Variants in UBE2J1 observed in about 807,000 individuals in gnomAD.
UBE2J1 encodes ubiquitin-conjugating enzyme E2 J1.
In UBE2J1, 17 loss-of-function variants were observed where a neutral mutation model predicts 42.1. That is an observed-to-expected ratio of 0.40 (90% confidence interval 0.28 to 0.61). The LOEUF is 0.61. Ranked by LOEUF, UBE2J1 falls within the 20% of genes least tolerant of loss-of-function variation. The probability of loss-of-function intolerance (pLI) is 0.38; values close to 1 mark genes in which losing one functional copy is unlikely to be tolerated. For missense variants in UBE2J1, 291 were observed against 389.4 expected, an observed-to-expected ratio of 0.75 and a Z score of 2.13; for synonymous variants, 127 against 137.2, an observed-to-expected ratio of 0.93 and a Z score of 0.52.
intron 5 of UBE2J1, among the ~76,000 whole-genome samples, chr6:89,336,841 CTT>C (rs1358179369): frequency 1.3e-5 from 2 of 150,856 alleles, no homozygotes; most frequent in South Asian, 4.2e-4. Context: ...ATGCAAAAAT[CTT>C]TGTTTTTTTT....
chr6:89,334,285 G>A (rs545284456), intron 6 of UBE2J1, among the ~76,000 whole-genome samples: 1 of 152,118 alleles, frequency 6.6e-6, no homozygotes, highest in East Asian at 1.9e-4. Context: ...TTACAGGCGT[G>A]AGCCACTGCG....
At chr6:89,334,704 G>A (rs1768077067) in intron 6 of UBE2J1, among the ~76,000 whole-genome samples, 1 of 151,962 alleles carries the variant, frequency 6.6e-6, no homozygotes, top group Admixed American at 6.6e-5. Flanking sequence ...CTGACTTCAG[G>A]TGATCCGCCC....
At chr6:89,334,980 A>AGGGG (rs1480566045) in intron 6 of UBE2J1, among the ~76,000 whole-genome samples, 2 of 152,178 alleles carry the variant, frequency 1.3e-5, no homozygotes, top group Non-Finnish European at 2.9e-5. Context: ...CTAATAAGCA[A>AGGGG]CAGAGCTGGG....
In UBE2J1 at chr6:89,327,939, G is replaced by A. The variant is rs143798378; in HGVS notation, c.*1740C>T. On this transcript the variant is annotated 3_prime_UTR_variant, in exon 8 of 8. Coordinates refer to ENST00000435041, the MANE Select transcript of UBE2J1 (RefSeq NM_016021.3). Reference sequence around the variant, plus strand: ...ATGTTTCAAATCAAGATTTTAGAGTGTATTTTCTTATGGCAATAGAGTTAT... The same window carrying A: ...ATGTTTCAAATCAAGATTTTAGAGTATATTTTCTTATGGCAATAGAGTTAT... The A allele has an allele frequency of 1.4e-4, 21 of 152,286 alleles. No individual in the cohort carries two copies. In the East Asian group the frequency reaches 4.1e-3, roughly 29 times the overall value. The allele number at this position is 152,286 out of a possible 1,614,324, so 9.4% of individuals were successfully genotyped here.
chr6:89,331,449 TACTTAA>T (rs900263440), intron 7 of UBE2J1, among the ~76,000 whole-genome samples: 4 of 152,236 alleles, frequency 2.6e-5, no homozygotes, highest in African/African-American at 9.6e-5. Context: ...CACTCTAATT[TACTTAA>T]ACTTCTTGAT....
intron 7 of UBE2J1, among the ~76,000 whole-genome samples, chr6:89,332,526 A>T (rs1756196288): frequency 6.6e-6 from 1 of 152,236 alleles, no homozygotes; most frequent in Admixed American, 6.5e-5. Context: ...TTATGTCTAC[A>T]CTGTCCAATA....
chr6:89,329,731 A>G lies in UBE2J1; in HGVS notation c.905T>C (p.Ile302Thr), dbSNP rs546702342. Residue 302 changes from isoleucine to threonine, a missense_variant, in exon 8 of 8, where the codon ATA becomes ACA. Coordinates refer to ENST00000435041, the MANE Select transcript of UBE2J1 (RefSeq NM_016021.3). ...GTTTGCCAGATATATTCGTCGGAATATAAGAGCTGCCAATGCCAAAGTCAG... is the reference window on the plus strand; with the variant it reads ...GTTTGCCAGATATATTCGTCGGAATGTAAGAGCTGCCAATGCCAAAGTCAG... ...VILTLALAAL[I>T]FRRIYLANEY... 3 of 1,614,176 alleles carry G rather than the reference A, an allele frequency of 1.9e-6. No homozygotes were observed. In the South Asian group the frequency reaches 3.3e-5, roughly 18 times the overall value.
chr6:89,351,044 TCCTC>T (rs1448597601), intron 1 of UBE2J1, among the ~76,000 whole-genome samples: 2 of 150,508 alleles, frequency 1.3e-5, no homozygotes, highest in Non-Finnish European at 3.0e-5. Flanking sequence ...GGTCTTTTCT[TCCTC>T]CCTCCCCACC....
At chr6:89,335,266 T>C (rs778452351) in intron 6 of UBE2J1, 36 bp downstream of exon 6, 10 of 1,535,260 alleles carry the variant, frequency 6.5e-6, no homozygotes, top group Admixed American at 5.9e-5. Context: ...AACAAAAGGG[T>C]TGCAAGATTA....
In UBE2J1 at chr6:89,338,759, G is replaced by A. The variant is rs1008552700; in HGVS notation, c.238-216C>T. 4.2e-5 allele frequency among the ~76,000 whole-genome samples: 6 copies of A among 143,278 alleles called. No individual in the cohort carries two copies. The East Asian group carries it at 6.9e-4, about 16-fold the overall frequency. 94.0% of individuals were successfully genotyped at this position (143,278 alleles called of 152,430 possible). On this transcript the variant is annotated intron_variant, in intron 3 of 7. Transcript: ENST00000435041. ...CAGCTCACTGCAAGATCCACCTCCCGGGTTCACGCCATTCTCCTGCCTCAG... is the reference window on the plus strand; with the variant it reads ...CAGCTCACTGCAAGATCCACCTCCCAGGTTCACGCCATTCTCCTGCCTCAG...
At position 89,329,940 on chromosome 6, in the gene UBE2J1, G is replaced by A. The variant is rs1445864994; in HGVS notation, c.696C>T (p.Ser232=). ...TASTSYGLQN[S]SAASFHQPTQ... is the part of the protein sequence containing the mutation. ...TAGGTTGATGAAAGGATGCTGCTGAGGAATTCTGGAGTCCGTACTAGGAAA... is the reference window on the plus strand; with the variant it reads ...TAGGTTGATGAAAGGATGCTGCTGAAGAATTCTGGAGTCCGTACTAGGAAA... Residue 232 remains serine, a synonymous_variant, in exon 8 of 8, where the codon TCC becomes TCT. Transcript: ENST00000435041. 6.2e-7 allele frequency: 1 copy of A among 1,613,916 alleles called. No homozygotes were observed. Among genetic ancestry groups the A allele is most frequent in the Non-Finnish European group, 8.5e-7 (1 of 1,179,964 alleles).
Position 89,343,757 on chromosome 6 carries a change from CTAAAA to C in UBE2J1, c.32-6_32-2del. ...GCTTCTTTCATTAAACGTTTAACAG[CTAAAA>C]TAAAATTCATAAAATAGAGATATTT... On this transcript the variant is annotated splice_acceptor_variant and splice_polypyrimidine_tract_variant and intron_variant, in intron 1 of 7. Coordinates refer to ENST00000435041, the MANE Select transcript of UBE2J1 (RefSeq NM_016021.3). LOFTEE classifies it high-confidence loss of function. 6.2e-7 allele frequency: 1 copy of C among 1,600,884 alleles called. No individual in the cohort carries two copies. Among genetic ancestry groups the C allele is most frequent in the Non-Finnish European group, 8.5e-7 (1 of 1,172,736 alleles).
intron 1 of UBE2J1, 146 bp from the exon 2 acceptor site, chr6:89,343,902 A>C: frequency 5.3e-6 from 3 of 561,820 alleles, no homozygotes; most frequent in Non-Finnish European, 9.1e-6. Context: ...TATGGGAATA[A>C]ATAGAGGGGG....
In UBE2J1 at chr6:89,333,309, G is replaced by T. The variant is rs571978541; in HGVS notation, c.559-104C>A. The T allele has an allele frequency of 6.6e-5, 87 of 1,324,474 alleles. No individual in the cohort carries two copies. In the African/African-American group the frequency reaches 1.3e-3, roughly 19 times the overall value. The allele number at this position is 1,324,474 out of a possible 1,614,324, so 82.0% of individuals were successfully genotyped here. On this transcript the variant is annotated intron_variant, in intron 6 of 7. Coordinates refer to ENST00000435041, the MANE Select transcript of UBE2J1 (RefSeq NM_016021.3). The stretch of plus-strand genomic sequence containing the variant: ...CCTCTCTGTTGGATTTATTTTAATT[G>T]CTAGTTTAATATCTATTATCAGGCA...
chr6:89,333,654 G>C (rs958380796), intron 6 of UBE2J1, among the ~76,000 whole-genome samples: 1 of 152,174 alleles, frequency 6.6e-6, no homozygotes, highest in African/African-American at 2.4e-5. Context: ...GCCCCAGATC[G>C]CACGGCAGGT....
intron 1 of UBE2J1, among the ~76,000 whole-genome samples, chr6:89,345,800 G>A (rs1407895227): frequency 1.3e-5 from 2 of 151,568 alleles, no homozygotes; most frequent in African/African-American, 2.4e-5. Context: ...CCAGCTACTA[G>A]GGAGGCTGAG....
chr6:89,342,509 T>C (rs1768266376), intron 2 of UBE2J1, 54 bp from the exon 3 acceptor site: 6 of 1,489,464 alleles, frequency 4.0e-6, no homozygotes, highest in Admixed American at 2.4e-5. Flanking sequence ...AGTTTGATCA[T>C]TTTATCTGAA....
At chr6:89,339,160 C>T (rs901770950) in intron 3 of UBE2J1, among the ~76,000 whole-genome samples, 2 of 151,494 alleles carry the variant, frequency 1.3e-5, no homozygotes, top group African/African-American at 4.9e-5. Flanking sequence ...CGAAGTGGCT[C>T]ACGCCTGTAA....
At chr6:89,344,247 G>T (rs1182868228) in intron 1 of UBE2J1, among the ~76,000 whole-genome samples, 1 of 152,120 alleles carries the variant, frequency 6.6e-6, no homozygotes, top group African/African-American at 2.4e-5. Flanking sequence ...TGTATTCTCT[G>T]GATCTCATGC....
Sources: gnomAD v4.1 joint callset for allele counts (sites outside exome capture counted in the v4.1 genomes callset) on GRCh38, gnomAD v4.1.1 for gene constraint, MANE v1.5 for transcripts, NCBI Gene and HGNC (gene_info 2026-07-23, HGNC 2026-07-21) for gene names.